Variants in TXNL4B observed in about 807,000 individuals in gnomAD.
TXNL4B encodes the protein thioredoxin-like protein 4B.
In TXNL4B, 12 loss-of-function variants were observed where a neutral mutation model predicts 13.0. That is an observed-to-expected ratio of 0.92 (90% CI 0.59 to 1.49). The LOEUF is 1.49. TXNL4B is among the 40% of genes most tolerant of loss of function. TXNL4B has a pLI of 0.00. For synonymous variants in TXNL4B, 59 were observed against 58.9 expected, an observed-to-expected ratio of 1.00 and a Z score of -0.01; for missense variants, 214 against 173.6, an observed-to-expected ratio of 1.23 and a Z score of -1.31.
At chr16:72,088,920 A>C in intron 3 of TXNL4B, 67 bp downstream of exon 3, 2 of 1,282,880 alleles carry the variant, frequency 1.6e-6, no homozygotes. Flanking sequence ...GAAATAGGCA[A>C]GCTACTGAAA....
In TXNL4B at chr16:72,086,188, GGTGT is replaced by G. The variant is rs148582661; in HGVS notation, c.*445_*448del. 6.1e-3 allele frequency: 917 copies of G among 150,636 alleles called. 11 individuals are homozygous for G. Among genetic ancestry groups the G allele is most frequent in the African/African-American group, 0.018 (727 of 40,872 alleles). The allele number at this position is 150,636 out of a possible 1,614,324, so 9.3% of individuals were successfully genotyped here. ...CGAGGAACCGGCAAAGGGGTGTGGG[GGTGT>G]GTGTGTGTGTGTGTGTGCACACACA... On this transcript the variant is annotated 3_prime_UTR_variant, in exon 4 of 4. Transcript: ENST00000268483.
At position 72,085,092 on chromosome 16, in the gene TXNL4B, C is replaced by T; in HGVS notation, c.*1545G>A. The T allele has an allele frequency of 2.5e-6, 1 of 398,496 alleles. No homozygotes were observed. Among genetic ancestry groups the T allele is most frequent in the Non-Finnish European group, 4.4e-6 (1 of 226,070 alleles). The allele number at this position is 398,496 out of a possible 1,614,324, so 24.7% of individuals were successfully genotyped here. On this transcript the variant is annotated 3_prime_UTR_variant, in exon 4 of 4. Transcript: ENST00000268483. ...AAGAGGCCAGAGGTGATGGCCTCCT[C>T]CTCTCCTTTTGTCTTATTCCTGGAG...
At chr16:72,087,983 C>T (rs1376722216) in intron 3 of TXNL4B, among the ~76,000 whole-genome samples, 8 of 152,190 alleles carry the variant, frequency 5.3e-5, no homozygotes. Flanking sequence ...CCACGCCCAG[C>T]TAATTTTTTG....
Position 72,086,346 on chromosome 16 carries a change from A to G in TXNL4B, c.*291T>C, listed in dbSNP as rs777548101. The stretch of plus-strand genomic sequence containing the variant: ...CCAATGTTTGGGAGGGTTCTGTATT[A>G]AAGGGATAAAGAAAAACATTAGAAA... On this transcript the variant is annotated 3_prime_UTR_variant, in exon 4 of 4. Transcript: ENST00000268483. 3 of 257,856 alleles carry G rather than the reference A, an allele frequency of 1.2e-5. No individual in the cohort carries two copies. Among genetic ancestry groups the G allele is most frequent in the Non-Finnish European group, 2.2e-5 (3 of 133,844 alleles). The allele number at this position is 257,856 out of a possible 1,614,324, so 16.0% of individuals were successfully genotyped here. A position where few individuals can be genotyped will look rare whatever the true frequency, so the allele number is the denominator to read the frequency against.
rs1402351329 is a variant in TXNL4B at position 72,086,765 on chromosome 16, T to C, written c.322A>G (p.Thr108Ala). 2 of 1,613,146 alleles carry C rather than the reference T, an allele frequency of 1.2e-6. No homozygotes were observed. The highest frequency in any genetic ancestry group is 1.7e-5 in the Admixed American group (1 of 60,024). Residue 108 changes from threonine to alanine, a missense_variant, in exon 4 of 4, where the codon ACC becomes GCC. Thr to Ala is a moderately conservative substitution (Grantham distance 58). Coordinates refer to ENST00000268483, the MANE Select transcript of TXNL4B (RefSeq NM_017853.3). Reference sequence around the variant, plus strand: ...ATCAAATCTATGAAGTCTTGTTTGGTTTTGAAGCTTCCCACAAACTTAGTG... The same window carrying C: ...ATCAAATCTATGAAGTCTTGTTTGGCTTTGAAGCTTCCCACAAACTTAGTG... ...DHTKFVGSFK[T>A]KQDFIDLIEV...
At position 72,090,738 on chromosome 16, in the gene TXNL4B, T is replaced by G. The variant is rs1403189058; in HGVS notation, c.12A>C (p.Leu4=). 6.2e-7 allele frequency: 1 copy of G among 1,614,136 alleles called. No homozygotes were observed. Residue 4 remains leucine (L), a synonymous_variant, in exon 2 of 4, where the codon CTA becomes CTC. Coordinates refer to ENST00000268483, the MANE Select transcript of TXNL4B (RefSeq NM_017853.3). ...CCTTTTTGCTAGTCAGCTTGGGCAGTAGGAAGCTCATCTTGAAATAACCCA... is the reference window on the plus strand; with the variant it reads ...CCTTTTTGCTAGTCAGCTTGGGCAGGAGGAAGCTCATCTTGAAATAACCCA... MSF[L]LPKLTSKKEV... is the part of the protein sequence containing the mutation.
intron 3 of TXNL4B, chr16:72,087,326 T>TTTTGTG (rs1555535718): frequency 7.1e-6 from 1 of 141,834 alleles, no homozygotes; most frequent in Non-Finnish European, 1.5e-5. Context: ...CCTTCCAATC[T>TTTTGTG]TGTGTGTGTG....
At chr16:72,087,326 T>TTTG (rs1555535718) in intron 3 of TXNL4B, 5 of 141,834 alleles carry the variant, frequency 3.5e-5, no homozygotes, top group Non-Finnish European at 6.1e-5. Flanking sequence ...CCTTCCAATC[T>TTTG]TGTGTGTGTG....
Position 72,085,684 on chromosome 16 carries a change from T to C in TXNL4B, c.*953A>G, listed in dbSNP as rs1398255412. 6.6e-6 allele frequency: 1 copy of C among 152,148 alleles called. No individual in the cohort carries two copies. Among genetic ancestry groups the C allele is most frequent in the African/African-American group, 2.4e-5 (1 of 41,442 alleles). 9.4% of individuals were successfully genotyped at this position (152,148 alleles called of 1,614,324 possible). ...GGATGGTGAAGGTTCAAATTCTCAC[T>C]TTCCATATTAAATTTTATAACATAA... On this transcript the variant is annotated 3_prime_UTR_variant, in exon 4 of 4. Transcript: ENST00000268483.
intron 1 of TXNL4B, among the ~76,000 whole-genome samples, chr16:72,091,116 T>C: frequency 6.6e-6 from 1 of 152,186 alleles, no homozygotes; most frequent in East Asian, 1.9e-4. Flanking sequence ...GTATCAGTGT[T>C]CCAGCAGGAA....
intron 2 of TXNL4B, 99 bp from the exon 3 acceptor site, chr16:72,089,237 A>C: frequency 4.7e-6 from 5 of 1,055,646 alleles, no homozygotes; most frequent in Admixed American, 2.4e-5. Flanking sequence ...GTTTGAAAAA[A>C]CTCCTGGGCC....
Position 72,086,720 on chromosome 16 carries a change from C to A in TXNL4B, c.367G>T (p.Ala123Ser). ...TGGACAATAAGCTTCCCCCTCATTGCTCCTCGATAGATTACTTCAATCAAA... is the reference window on the plus strand; with the variant it reads ...TGGACAATAAGCTTCCCCCTCATTGATCCTCGATAGATTACTTCAATCAAA... Reference protein sequence around the residue: ...IDLIEVIYRGAMRGKLIVQSP... With the variant: ...IDLIEVIYRGSMRGKLIVQSP... The change falls in exon 4 of 4, where the codon GCA (alanine) becomes TCA (serine). Residue 123 changes from alanine (A) to serine (S), a missense_variant. Transcript: ENST00000268483. 1.2e-6 allele frequency: 2 copies of A among 1,613,882 alleles called. No homozygotes were observed. The highest frequency in any genetic ancestry group is 1.7e-6 in the Non-Finnish European group (2 of 1,179,758).
At chr16:72,092,659 A>G (rs1449375968) in intron 1 of TXNL4B, among the ~76,000 whole-genome samples, 1 of 152,200 alleles carries the variant, frequency 6.6e-6, no homozygotes, top group Admixed American at 6.5e-5. Context: ...AGGGGAGAAC[A>G]AAGTTGTTAG....
intron 1 of TXNL4B, 76 bp from the exon 2 acceptor site, chr16:72,090,862 G>C (rs912229121): frequency 8.3e-7 from 1 of 1,199,442 alleles, no homozygotes. Flanking sequence ...TTAATTCACA[G>C]AGTAGCTAAT....
In TXNL4B at chr16:72,085,851, A is replaced by G. The variant is rs1254044153; in HGVS notation, c.*786T>C. On this transcript the variant is annotated 3_prime_UTR_variant, in exon 4 of 4. Coordinates refer to ENST00000268483, the MANE Select transcript of TXNL4B (RefSeq NM_017853.3). ...AACTGCGCCTCTATAAAAATACAAA[A>G]AATTAGCTGGGCATGGTGGCGGGCG... is the stretch of plus-strand genomic sequence containing the variant. The G allele has an allele frequency of 2.6e-5, 4 of 152,166 alleles. No individual in the cohort carries two copies. Among genetic ancestry groups the G allele is most frequent in the Non-Finnish European group, 4.4e-5 (3 of 68,058 alleles). 9.4% of individuals were successfully genotyped at this position (152,166 alleles called of 1,614,324 possible). A position where few individuals can be genotyped will look rare whatever the true frequency, so the allele number is the denominator to read the frequency against.
chr16:72,093,689 T>G (rs1384610090), upstream of TXNL4B: 1 of 152,420 alleles, frequency 6.6e-6, no homozygotes, highest in Admixed American at 6.5e-5. Flanking sequence ...TCCGCCCGTA[T>G]TAAAGATGGT....
intron 1 of TXNL4B, among the ~76,000 whole-genome samples, chr16:72,092,829 G>C (rs1032366479): frequency 1.3e-5 from 2 of 152,172 alleles, no homozygotes; most frequent in African/African-American, 4.8e-5. Flanking sequence ...AGCTTTACCA[G>C]TAAGCAAAGA....
intron 2 of TXNL4B, among the ~76,000 whole-genome samples, 162 bp downstream of exon 2, chr16:72,090,456 G>T (rs1053404569): frequency 6.6e-6 from 1 of 152,174 alleles, no homozygotes; most frequent in Non-Finnish European, 1.5e-5. Flanking sequence ...ACACAGATTT[G>T]GGGGCTTGGT....
intron 3 of TXNL4B, 40 bp from the exon 4 acceptor site, chr16:72,086,842 T>A: frequency 6.9e-7 from 1 of 1,451,272 alleles, no homozygotes; most frequent in South Asian, 1.5e-5. Flanking sequence ...CTAAGAACTT[T>A]GAGTAATCAC....
Sources: allele counts gnomAD v4.1 joint callset (sites outside exome capture counted in the v4.1 genomes callset), GRCh38; gene constraint gnomAD v4.1.1; transcripts MANE v1.5; gene names NCBI Gene and HGNC (gene_info 2026-07-23, HGNC 2026-07-21).